Variants in RASA3 observed in about 807,000 individuals in gnomAD.
The protein encoded by RASA3 is ras GTPase-activating protein 3.
In RASA3, 73 loss-of-function variants were observed where a neutral mutation model predicts 110.0. The observed-to-expected ratio is 0.66, with a 90% confidence interval of 0.55 to 0.81. The LOEUF (loss-of-function observed/expected upper bound fraction) is 0.81, where lower values mean the gene tolerates loss of function less well. Ranked by LOEUF, RASA3 falls within the 30% of genes least tolerant of loss-of-function variation. The pLI is 0.00. For synonymous variants in RASA3, 500 were observed against 451.4 expected (o/e 1.11, Z -1.37); for missense variants, 976 against 1,113.2 (o/e 0.88, Z 1.75).
At chr13:114,105,129 G>A (rs2139748836) in intron 1 of RASA3, among the ~76,000 whole-genome samples, 1 of 152,206 alleles carries the variant, frequency 6.6e-6, no homozygotes, top group Admixed American at 6.5e-5. Context: ...CCCCAGTCAG[G>A]GCAGGTAGTC....
chr13:114,063,569 C>A (rs1455401774), intron 2 of RASA3, among the ~76,000 whole-genome samples: 1 of 152,230 alleles, frequency 6.6e-6, no homozygotes, highest in Non-Finnish European at 1.5e-5. Context: ...AGGCCATGGG[C>A]CACTTTCCAA....
intron 1 of RASA3, among the ~76,000 whole-genome samples, chr13:114,076,944 TG>T (rs2079695138): frequency 6.6e-6 from 1 of 152,244 alleles, no homozygotes; most frequent in African/African-American, 2.4e-5. Flanking sequence ...CTGGGTTTTT[TG>T]TTTTTGTCTT....
At chr13:114,105,536 C>G (rs2139749744) in intron 1 of RASA3, among the ~76,000 whole-genome samples, 1 of 152,328 alleles carries the variant, frequency 6.6e-6, no homozygotes, top group Admixed American at 6.5e-5. Flanking sequence ...AGCACGGGGA[C>G]AGGGACCACC....
intron 2 of RASA3, among the ~76,000 whole-genome samples, chr13:114,061,355 A>G (rs972205737): frequency 6.6e-6 from 1 of 152,126 alleles, no homozygotes; most frequent in Non-Finnish European, 1.5e-5. Flanking sequence ...AAGGTTTCTA[A>G]AAACCCCAGG....
At chr13:114,060,907 T>C (rs1053825946) in intron 2 of RASA3, among the ~76,000 whole-genome samples, 18 of 117,164 alleles carry the variant, frequency 1.5e-4, no homozygotes, top group Non-Finnish European at 1.7e-4. Context: ...AGACGGGGCC[T>C]CCAAAGCCGG....
chr13:114,077,994 A>G, intron 1 of RASA3: 6 of 793,210 alleles, frequency 7.6e-6, no homozygotes, highest in South Asian at 6.4e-5. Flanking sequence ...TTGAAACAGA[A>G]AAAAAAAAAA....
intron 18 of RASA3, among the ~76,000 whole-genome samples, chr13:114,003,355 G>A (rs1594302444): frequency 6.6e-6 from 1 of 152,284 alleles, no homozygotes; most frequent in East Asian, 1.9e-4. Context: ...GCCTGTCCTT[G>A]AACCTGTATC....
intron 1 of RASA3, among the ~76,000 whole-genome samples, chr13:114,076,164 C>G (rs1048643832): frequency 5.3e-5 from 8 of 152,230 alleles, no homozygotes; most frequent in Admixed American, 5.2e-4. Flanking sequence ...ACTGCAAAAG[C>G]AAGAGACACA....
intron 1 of RASA3, among the ~76,000 whole-genome samples, chr13:114,131,072 C>T (rs973773736): frequency 1.3e-5 from 2 of 152,248 alleles, no homozygotes; most frequent in East Asian, 1.9e-4. Flanking sequence ...CTGGACTACT[C>T]AAAGCGGAAG....
intron 11 of RASA3, 92 bp downstream of exon 11, chr13:114,018,012 C>T (rs1294215545): frequency 1.5e-6 from 2 of 1,362,888 alleles, no homozygotes; most frequent in African/African-American, 1.5e-5. Flanking sequence ...TTCCCTCAAG[C>T]CCTGCCCCAG....
intron 22 of RASA3, 139 bp downstream of exon 22, chr13:113,992,346 T>C: frequency 8.2e-6 from 5 of 609,308 alleles, no homozygotes; most frequent in South Asian, 2.2e-5. Context: ...CATCCATCCG[T>C]GCTACAAAGA....
At chr13:114,107,584 C>T (rs9525262) in intron 1 of RASA3, 47,603 of 152,490 alleles carry the variant, frequency 0.31, 8,663 homozygotes, top group Non-Finnish European at 0.42. Flanking sequence ...CAGGCTGCTG[C>T]GGGTGTCTGC....
rs148370156 is a variant in RASA3, at chr13:114,100,458, G to C, written c.56-26621C>G. Among the ~76,000 whole-genome samples the C allele has an allele frequency of 6.6e-3, 1,002 of 152,368 alleles. 7 individuals are homozygous for C. The highest frequency in any genetic ancestry group is 0.012 in the Non-Finnish European group (806 of 68,036). On this transcript the variant is annotated intron_variant, in intron 1 of 23. Transcript: ENST00000334062. Reference sequence around the variant, plus strand: ...AGGGGAGGAAGGTCCTGGAGGCAGGGCTCTGTCAGGCGGAGGACGTGATGC... The same window carrying C: ...AGGGGAGGAAGGTCCTGGAGGCAGGCCTCTGTCAGGCGGAGGACGTGATGC...
At chr13:114,050,658 C>T (rs2079129635) in intron 3 of RASA3, among the ~76,000 whole-genome samples, 1 of 152,248 alleles carries the variant, frequency 6.6e-6, no homozygotes, top group Non-Finnish European at 1.5e-5. Flanking sequence ...GGATAGGCAT[C>T]TCATCTCTGT....
At chr13:114,109,266 G>A (rs1594465735) in intron 1 of RASA3, among the ~76,000 whole-genome samples, 1 of 152,162 alleles carries the variant, frequency 6.6e-6, no homozygotes, top group African/African-American at 2.4e-5. Context: ...CGGCGACCAC[G>A]TGAAGCCTCT....
rs148647110 is a variant in RASA3 at position 114,123,469 on chromosome 13, A to G, written c.55+8966T>C. Among the ~76,000 whole-genome samples, 458 of 152,358 alleles carry G rather than the reference A, an allele frequency of 3.0e-3. 2 individuals are homozygous for G. The highest frequency in any genetic ancestry group is 0.011 in the African/African-American group (446 of 41,582). Reference sequence around the variant, plus strand: ...AGGGAAAAGGCCAGGAATGAAACCTAACGCAGAAATGGGAACTGGCTCCAA... The same window carrying G: ...AGGGAAAAGGCCAGGAATGAAACCTGACGCAGAAATGGGAACTGGCTCCAA... On this transcript the variant is annotated intron_variant, in intron 1 of 23. Coordinates refer to ENST00000334062, the MANE Select transcript of RASA3 (RefSeq NM_007368.4).
intron 16 of RASA3, among the ~76,000 whole-genome samples, chr13:114,010,661 G>A (rs2053612975): frequency 1.0e-5 from 1 of 95,324 alleles, no homozygotes; most frequent in Non-Finnish European, 2.1e-5. Flanking sequence ...TGGGGAGGAG[G>A]CGGCTGCGTG....
In RASA3 at chr13:114,057,554, G is replaced by A. The variant is rs1381721262; in HGVS notation, c.174-5399C>T. ...AATAAGAAGGGCGATTCCAGGGACAGTGGAGGCCCCCACAGGAAGGAAACC... is the reference window on the plus strand; with the variant it reads ...AATAAGAAGGGCGATTCCAGGGACAATGGAGGCCCCCACAGGAAGGAAACC... On this transcript the variant is annotated intron_variant, in intron 2 of 23. Coordinates refer to ENST00000334062, the MANE Select transcript of RASA3 (RefSeq NM_007368.4). This position sits in a 1 kb window ranked among gnomAD's most constrained non-coding sequence, Gnocchi z 5.0. 2 of 973,254 alleles carry A rather than the reference G, an allele frequency of 2.1e-6. No homozygotes were observed. The highest frequency in any genetic ancestry group is 2.4e-6 in the Non-Finnish European group (2 of 818,940). The allele number at this position is 973,254 out of a possible 1,614,324, so 60.3% of individuals were successfully genotyped here.
At chr13:114,002,301 G>A (rs2053423443) in intron 18 of RASA3, among the ~76,000 whole-genome samples, 1 of 152,244 alleles carries the variant, frequency 6.6e-6, no homozygotes, top group South Asian at 2.1e-4. Context: ...CGGAGGGTGT[G>A]GAAGCTGCTG....
Sources: allele counts gnomAD v4.1 joint callset (sites outside exome capture counted in the v4.1 genomes callset), GRCh38; gene constraint gnomAD v4.1.1; non-coding constraint Gnocchi (gnomAD v3.1); transcripts MANE v1.5; gene names NCBI Gene and HGNC (gene_info 2026-07-23, HGNC 2026-07-21).